HYDIN: variants seen among roughly 807,000 people sequenced by gnomAD.
HYDIN encodes the protein axonemal central pair apparatus protein HYDIN.
HYDIN carries 132 observed loss-of-function variants against 403.9 expected under a neutral mutation model. The ratio of observed to expected loss-of-function variants is 0.33; its 90% CI spans 0.28 to 0.38. The LOEUF (loss-of-function observed/expected upper bound fraction) is 0.38. HYDIN is among the 10% of genes least tolerant of loss of function. The pLI, the probability that HYDIN is intolerant of heterozygous loss-of-function variation, is 1.00. For missense variants in HYDIN, 2,827 were observed against 5,009.5 expected, an observed-to-expected ratio of 0.56 and a Z score of 13.15; for synonymous variants, 1,202 against 1,891.7, an observed-to-expected ratio of 0.64 and a Z score of 9.46.
chr16:70,883,018 T>C, intron 59 of HYDIN, 123 bp from the exon 60 acceptor site: 2 of 735,330 alleles, frequency 2.7e-6, no homozygotes, highest in Non-Finnish European at 4.8e-6. Context: ...GGCGAAGTCA[T>C]GCAAGGGGGT....
intron 5 of HYDIN, among the ~76,000 whole-genome samples, chr16:71,170,929 G>GA (rs1056137465): frequency 1.3e-5 from 2 of 152,312 alleles, no homozygotes; most frequent in Admixed American, 1.3e-4. Context: ...GATGACAGCA[G>GA]AAAGTAGAAA....
chr16:71,056,740 T>G (rs1045653329), intron 18 of HYDIN, among the ~76,000 whole-genome samples: 4 of 152,232 alleles, frequency 2.6e-5, no homozygotes, highest in Non-Finnish European at 5.9e-5. Flanking sequence ...GCACCTGAAT[T>G]TGTAATAGGC....
At chr16:71,107,309 T>A (rs1396686484) in intron 10 of HYDIN, among the ~76,000 whole-genome samples, 1 of 140,662 alleles carries the variant, frequency 7.1e-6, no homozygotes. Context: ...AAAAAACAAG[T>A]AAAATTAAAT....
At chr16:70,910,330 T>C (rs1367317091) in intron 47 of HYDIN, among the ~76,000 whole-genome samples, 2 of 152,096 alleles carry the variant, frequency 1.3e-5, no homozygotes, top group African/African-American at 4.8e-5. Context: ...AGTGAGAACA[T>C]ACGATGTTTC....
At chr16:71,009,630 A>C (rs2080009573) in intron 23 of HYDIN, among the ~76,000 whole-genome samples, 1 of 151,834 alleles carries the variant, frequency 6.6e-6, no homozygotes, top group African/African-American at 2.4e-5. Context: ...GATGTGATTA[A>C]GTTGAGGATC....
chr16:71,185,029 G>A (rs1262464774), intron 2 of HYDIN, 39 bp from the exon 3 acceptor site: 1 of 1,471,192 alleles, frequency 6.8e-7, no homozygotes. Flanking sequence ...ATTCTTAAGT[G>A]GATGTACTGA....
chr16:71,191,530 A>G (rs1484181753), intron 1 of HYDIN, among the ~76,000 whole-genome samples: 2 of 152,176 alleles, frequency 1.3e-5, no homozygotes, highest in Non-Finnish European at 2.9e-5. Context: ...ACACTGGTCA[A>G]TCCAGCTGTT....
intron 23 of HYDIN, among the ~76,000 whole-genome samples, chr16:71,000,840 C>G (rs1489923262): frequency 2.6e-5 from 4 of 152,066 alleles, no homozygotes; most frequent in Non-Finnish European, 5.9e-5. Context: ...TCTGGGGACA[C>G]CAGAGATGGA....
chr16:70,922,298 G>A (rs917708473), intron 45 of HYDIN, among the ~76,000 whole-genome samples: 8 of 152,378 alleles, frequency 5.3e-5, no homozygotes, highest in East Asian at 1.9e-4. Context: ...GGGTTTGCAC[G>A]GAAGATGGGG....
intron 3 of HYDIN, 71 bp downstream of exon 3, chr16:71,184,794 A>G (rs1021494748): frequency 2.1e-5 from 29 of 1,350,248 alleles, no homozygotes; most frequent in Non-Finnish European, 2.8e-5. Flanking sequence ...AACAAATTTT[A>G]CTTATTGTTC....
At chr16:70,829,890 C>T (rs1476431089) in intron 80 of HYDIN, 60 bp from the exon 81 acceptor site, 4 of 1,445,878 alleles carry the variant, frequency 2.8e-6, no homozygotes, top group Non-Finnish European at 3.9e-6. Flanking sequence ...TCTCCAGGGC[C>T]AGAAGTACAG....
chr16:71,180,788 G>C (rs377482833), intron 3 of HYDIN, among the ~76,000 whole-genome samples: 3 of 151,970 alleles, frequency 2.0e-5, no homozygotes, highest in East Asian at 1.9e-4. Context: ...CAAAGTAATT[G>C]CTTATTTCAA....
intron 18 of HYDIN, among the ~76,000 whole-genome samples, chr16:71,054,111 G>A (rs2081774188): frequency 1.3e-5 from 2 of 152,258 alleles, no homozygotes; most frequent in African/African-American, 2.4e-5. Flanking sequence ...CACGTGCTAG[G>A]CATGAATCAC....
At chr16:71,075,334 T>C (rs1299268092) in intron 13 of HYDIN, among the ~76,000 whole-genome samples, 2 of 148,646 alleles carry the variant, frequency 1.3e-5, no homozygotes. Flanking sequence ...GAACAGCTGT[T>C]GATTTTTATT....
chr16:70,972,818 C>A (rs1271044647), intron 35 of HYDIN, among the ~76,000 whole-genome samples: 1 of 152,204 alleles, frequency 6.6e-6, no homozygotes, highest in Non-Finnish European at 1.5e-5. Context: ...TGTAATCAAA[C>A]ACATTAACAG....
intron 36 of HYDIN, among the ~76,000 whole-genome samples, chr16:70,967,217 G>A (rs1419330197): frequency 6.6e-6 from 1 of 152,192 alleles, no homozygotes; most frequent in Non-Finnish European, 1.5e-5. Context: ...ACACAGCACA[G>A]AGGCCTCACC....
intron 7 of HYDIN, among the ~76,000 whole-genome samples, chr16:71,150,999 G>A (rs1458074542): frequency 6.6e-6 from 1 of 152,078 alleles, no homozygotes; most frequent in African/African-American, 2.4e-5. Flanking sequence ...GATAGACATC[G>A]CTTTACACCA....
intron 2 of HYDIN, among the ~76,000 whole-genome samples, chr16:71,186,025 T>C (rs1227776137): frequency 1.3e-5 from 2 of 152,212 alleles, no homozygotes; most frequent in Non-Finnish European, 2.9e-5. Context: ...TTAAGAGGTG[T>C]CAGCTATATT....
At chr16:71,186,965 G>C in intron 1 of HYDIN, 47 bp from the exon 2 acceptor site, 1 of 1,323,158 alleles carries the variant, frequency 7.6e-7, no homozygotes, top group East Asian at 2.3e-5. Context: ...GTTAATTCCT[G>C]AATACAGGTC....
Sources: allele counts gnomAD v4.1 joint callset (sites outside exome capture counted in the v4.1 genomes callset), GRCh38; gene constraint gnomAD v4.1.1; transcripts MANE v1.5; gene names NCBI Gene and HGNC (gene_info 2026-07-23, HGNC 2026-07-21).